Variants in MRPS31 observed in about 807,000 individuals in gnomAD.
MRPS31 encodes mitochondrial ribosomal protein S31.
A neutral mutation model predicts 43.1 loss-of-function variants in MRPS31; 32 were observed. The observed-to-expected ratio is 0.74, with a 90% CI of 0.56 to 1.00. MRPS31 has a LOEUF of 1.00. Ranked by LOEUF, MRPS31 falls within the 50% of genes least tolerant of loss-of-function variation. The pLI is 0.00. For synonymous variants in MRPS31, 165 were observed against 161.6 expected, an observed-to-expected ratio of 1.02 and a Z score of -0.16; for missense variants, 437 against 466.7, an observed-to-expected ratio of 0.94 and a Z score of 0.59.
chr13:40,757,052 G>A (rs1880550784), intron 3 of MRPS31, 39 bp from the exon 4 acceptor site: 8 of 1,517,860 alleles, frequency 5.3e-6, no homozygotes, highest in African/African-American at 1.4e-5. Context: ...AGAAATCTTA[G>A]CTACAGAACA....
At chr13:40,737,465 A>T (rs1282487243) in intron 6 of MRPS31, among the ~76,000 whole-genome samples, 1 of 151,972 alleles carries the variant, frequency 6.6e-6, no homozygotes, top group South Asian at 2.1e-4. Flanking sequence ...TCCACCCCAA[A>T]TCAACAGAAT....
intron 6 of MRPS31, among the ~76,000 whole-genome samples, chr13:40,739,803 G>T (rs1355410321): frequency 1.3e-5 from 2 of 151,496 alleles, no homozygotes; most frequent in Admixed American, 6.6e-5. Flanking sequence ...ATGGATTAAA[G>T]ACTTAAACGT....
intron 1 of MRPS31, among the ~76,000 whole-genome samples, chr13:40,767,937 T>A (rs980041871): frequency 2.6e-5 from 4 of 152,322 alleles, no homozygotes; most frequent in African/African-American, 9.6e-5. Flanking sequence ...ACTTAACCCA[T>A]AACCATTTGT....
chr13:40,764,974 G>T (rs1357206030), intron 2 of MRPS31, among the ~76,000 whole-genome samples: 4 of 152,128 alleles, frequency 2.6e-5, no homozygotes, highest in Admixed American at 1.3e-4. Flanking sequence ...TACAAACAAA[G>T]AAAAGCAGTC....
intron 6 of MRPS31, among the ~76,000 whole-genome samples, chr13:40,737,940 A>G (rs1456470243): frequency 6.6e-6 from 1 of 152,076 alleles, no homozygotes; most frequent in Non-Finnish European, 1.5e-5. Flanking sequence ...CTAAAATCAG[A>G]GCACAACTGA....
intron 1 of MRPS31, among the ~76,000 whole-genome samples, chr13:40,768,676 A>C (rs1395810494): frequency 6.6e-6 from 1 of 152,102 alleles, no homozygotes; most frequent in African/African-American, 2.4e-5. Context: ...GTGAGCCACC[A>C]CACCTGGCCC....
At chr13:40,763,367 C>T (rs935795818) in intron 2 of MRPS31, among the ~76,000 whole-genome samples, 1 of 152,220 alleles carries the variant, frequency 6.6e-6, no homozygotes. Context: ...GCCTGGCTTA[C>T]TGCCCCACAG....
In MRPS31 at chr13:40,766,895, T is replaced by G; in HGVS notation, c.291A>C (p.Lys97Asn). The G allele has an allele frequency of 6.2e-7, 1 of 1,614,144 alleles. No homozygotes were observed. Among genetic ancestry groups the G allele is most frequent in the East Asian group, 2.2e-5 (1 of 44,868 alleles). ...TGCCCTTAATAATGCCTAACAAGTCTTTTTTCGTATTTTCCTTTTCACTGT... is the reference window on the plus strand; with the variant it reads ...TGCCCTTAATAATGCCTAACAAGTCGTTTTTCGTATTTTCCTTTTCACTGT... Reference protein sequence around the residue: ...SQDSEKENTKKDLLGIIKGMK... With the variant: ...SQDSEKENTKNDLLGIIKGMK... The change falls in exon 2 of 7, where the codon AAA becomes AAC. Residue 97 changes from lysine to asparagine, a missense_variant. Physicochemically the swap from Lys to Asn is moderately conservative, Grantham distance 94. Coordinates refer to ENST00000323563, the MANE Select transcript of MRPS31 (RefSeq NM_005830.4).
Position 40,756,862 on chromosome 13 carries a change from A to G in MRPS31, c.740+11T>C. ...CACAAACAAAACCCAGCAGATTACAAAGCCTGATACCTTTTTTTAAGATCA... is the reference window on the plus strand; with the variant it reads ...CACAAACAAAACCCAGCAGATTACAGAGCCTGATACCTTTTTTTAAGATCA... On this transcript the variant is annotated intron_variant, in intron 4 of 6. Transcript: ENST00000323563. 6.2e-7 allele frequency: 1 copy of G among 1,612,488 alleles called. No individual in the cohort carries two copies. Among genetic ancestry groups the G allele is most frequent in the South Asian group, 1.1e-5 (1 of 90,586 alleles).
At chr13:40,757,879 A>G (rs1880578458) in intron 3 of MRPS31, among the ~76,000 whole-genome samples, 1 of 148,744 alleles carries the variant, frequency 6.7e-6, no homozygotes, top group South Asian at 2.2e-4. Context: ...GCAGTGGCTC[A>G]CGCCTGTAAT....
chr13:40,736,157 G>A (rs1170757022), intron 6 of MRPS31, among the ~76,000 whole-genome samples: 7 of 149,992 alleles, frequency 4.7e-5, no homozygotes, highest in South Asian at 2.1e-4. Flanking sequence ...GAGCCGATGC[G>A]ATCAACTGGA....
In MRPS31 at chr13:40,748,266, TC is replaced by T. The variant is rs375002628; in HGVS notation, c.958+871del. Among the ~76,000 whole-genome samples, 43 of 152,338 alleles carry T rather than the reference TC, an allele frequency of 2.8e-4. No individual in the cohort carries two copies. The South Asian group carries it at 8.7e-3, about 31-fold the overall frequency. On this transcript the variant is annotated intron_variant, in intron 6 of 6. Coordinates refer to ENST00000323563, the MANE Select transcript of MRPS31 (RefSeq NM_005830.4). ...TCTGCCTCCCGGGTTCAAACGATTC[TC>T]CTGCCTCAACCTCCTGAATAGCTGG...
intron 6 of MRPS31, among the ~76,000 whole-genome samples, chr13:40,735,451 C>A (rs1879864918): frequency 6.6e-6 from 1 of 152,182 alleles, no homozygotes; most frequent in Non-Finnish European, 1.5e-5. Flanking sequence ...GGCCTGCCTG[C>A]CTCTGTAGGC....
intron 6 of MRPS31, among the ~76,000 whole-genome samples, chr13:40,732,739 TAAAAG>T (rs1231076466): frequency 6.6e-6 from 1 of 151,776 alleles, no homozygotes; most frequent in African/African-American, 2.4e-5. Flanking sequence ...CTACACCTCT[TAAAAG>T]AAGAAAAAAA....
At chr13:40,766,698 A>G in intron 2 of MRPS31, 48 bp downstream of exon 2, 5 of 1,516,492 alleles carry the variant, frequency 3.3e-6, no homozygotes, top group Non-Finnish European at 4.4e-6. Flanking sequence ...ACCAAAACAA[A>G]AAGCTTACTG....
chr13:40,758,053 G>A (rs1880583483), intron 3 of MRPS31, among the ~76,000 whole-genome samples: 1 of 151,206 alleles, frequency 6.6e-6, no homozygotes, highest in Non-Finnish European at 1.5e-5. Flanking sequence ...TGAGGCAGGA[G>A]AATGGCGTGA....
intron 1 of MRPS31, among the ~76,000 whole-genome samples, chr13:40,769,776 TATC>T (rs145715009): frequency 0.016 from 2,441 of 152,278 alleles, 47 homozygotes; most frequent in African/African-American, 0.044. Flanking sequence ...TCAAGACTGC[TATC>T]ATACCACAGA....
At position 40,771,140 on chromosome 13, in the gene MRPS31, C is replaced by A; in HGVS notation, c.-4G>T. ...ACGTCGAGACTCTAGGAAACATCGC[C>A]GAGACACGAAATGAACCAAGAACAC... On this transcript the variant is annotated 5_prime_UTR_variant, in exon 1 of 7. Transcript: ENST00000323563. The A allele has an allele frequency of 6.3e-7, 1 of 1,596,828 alleles. No homozygotes were observed. Among genetic ancestry groups the A allele is most frequent in the South Asian group, 1.1e-5 (1 of 89,798 alleles).
At chr13:40,765,277 G>A (rs1000465842) in intron 2 of MRPS31, among the ~76,000 whole-genome samples, 2 of 152,150 alleles carry the variant, frequency 1.3e-5, no homozygotes, top group African/African-American at 4.8e-5. Flanking sequence ...GAGCAAGAAT[G>A]TAAGAAAGCT....
Sources: gnomAD v4.1 joint callset for allele counts (sites outside exome capture counted in the v4.1 genomes callset) on GRCh38, gnomAD v4.1.1 for gene constraint, MANE v1.5 for transcripts, NCBI Gene and HGNC (gene_info 2026-07-23, HGNC 2026-07-21) for gene names.